Variants in HELLS observed in about 807,000 individuals in gnomAD.
HELLS encodes helicase, lymphoid specific.
In HELLS, 32 loss-of-function variants were observed where a neutral mutation model predicts 120.0. The observed-to-expected ratio is 0.27, with a 90% CI of 0.20 to 0.36. The LOEUF (loss-of-function observed/expected upper bound fraction) is 0.36, where lower values mean the gene tolerates loss of function less well. Ranked by LOEUF, HELLS falls within the 10% of genes least tolerant of loss-of-function variation. The pLI is 1.00. For synonymous variants in HELLS, 341 were observed against 323.4 expected (o/e 1.05, Z -0.58); for missense variants, 650 against 993.4 (o/e 0.65, Z 4.65).
At chr10:94,611,076 A>G (rs182230013) in exon 10 of HELLS, 1 of 152,330 alleles carries the variant, frequency 6.6e-6, no homozygotes, top group African/African-American at 2.4e-5. Flanking sequence ...GACTGGCACA[A>G]CATGTATTTC....
chr10:94,571,264 G>A, intron 6 of HELLS, 124 bp from the exon 7 acceptor site: 1 of 762,346 alleles, frequency 1.3e-6, no homozygotes, highest in Non-Finnish European at 2.1e-6. Context: ...AAGGCTACTA[G>A]TTTTATCTTG....
rs573677202 is a variant in HELLS, at chr10:94,561,439, CTT to C, written c.334-1247_334-1246del. Among the ~76,000 whole-genome samples, 8 of 152,120 alleles carry C rather than the reference CTT, an allele frequency of 5.3e-5. No homozygotes were observed. The East Asian group carries it at 1.4e-3, about 26-fold the overall frequency. On this transcript the variant is annotated intron_variant, in intron 4 of 21. Coordinates refer to ENST00000348459, the MANE Select transcript of HELLS (RefSeq NM_018063.5). ...AGGGTTTTGATTTTTTTCCCCTCTG[CTT>C]TTTTCATAAGGGCGTCAACTATTTT...
At chr10:94,596,615 A>G (rs1845752769) in intron 19 of HELLS, among the ~76,000 whole-genome samples, 1 of 152,086 alleles carries the variant, frequency 6.6e-6, no homozygotes, top group Admixed American at 6.6e-5. Flanking sequence ...GACATAATGC[A>G]TTTTTTGGTC....
rs562609632 is a variant in HELLS, at chr10:94,571,622, G to C, written c.477+193G>C. On this transcript the variant is annotated intron_variant, in intron 7 of 21. Coordinates refer to ENST00000348459, the MANE Select transcript of HELLS (RefSeq NM_018063.5). ...TTTTATGTATCAACTTTAGTTAGTTGTTTTATTGCATGATTCTTGATGTAT... is the reference window on the plus strand; with the variant it reads ...TTTTATGTATCAACTTTAGTTAGTTCTTTTATTGCATGATTCTTGATGTAT... 3.9e-5 allele frequency among the ~76,000 whole-genome samples: 6 copies of C among 152,090 alleles called. No individual in the cohort carries two copies. In the South Asian group the frequency reaches 1.0e-3, roughly 26 times the overall value.
chr10:94,577,096 G>T, intron 10 of HELLS: 1 of 505,852 alleles, frequency 2.0e-6, no homozygotes, highest in Non-Finnish European at 3.7e-6. Flanking sequence ...ATTTGTGACA[G>T]GTACTTTGAA....
chr10:94,590,431 A>T lies in HELLS; in HGVS notation c.1507A>T (p.Ser503Cys). 1.2e-6 allele frequency: 2 copies of T among 1,606,798 alleles called. No individual in the cohort carries two copies. The highest frequency in any genetic ancestry group is 4.5e-5 in the East Asian group (2 of 44,816). ...CTTTTAGAAAGAAACAATTGAGTTA[A>T]GTCCTACTGGTCGACCAAAACGACG... The part of the protein sequence containing the change: ...GSSEKETIEL[S>C]PTGRPKRRTR... Residue 503 changes from serine (S) to cysteine (C), a missense_variant, in exon 14 of 22, where the codon AGT becomes TGT. Coordinates refer to ENST00000348459, the MANE Select transcript of HELLS (RefSeq NM_018063.5).
At chr10:94,560,044 T>A (rs759739211) in intron 4 of HELLS, among the ~76,000 whole-genome samples, 52 of 152,198 alleles carry the variant, frequency 3.4e-4, no homozygotes, top group Admixed American at 1.5e-3. Flanking sequence ...TTATTTATTT[T>A]TTTTTTGAGA....
chr10:94,603,847 T>G (rs1307668157), downstream of HELLS, among the ~76,000 whole-genome samples: 1 of 152,148 alleles, frequency 6.6e-6, no homozygotes, highest in African/African-American at 2.4e-5. Context: ...TTTTCCCCTT[T>G]TTTTGAGTCT....
chr10:94,608,425 A>G (rs538300990), intron 9 of HELLS, among the ~76,000 whole-genome samples: 34 of 152,268 alleles, frequency 2.2e-4, no homozygotes, highest in African/African-American at 7.9e-4. Flanking sequence ...CAGCACCCTA[A>G]AAGAGTAGCA....
intron 3 of HELLS, 88 bp from the exon 4 acceptor site, chr10:94,558,051 T>C (rs1843350217): frequency 6.8e-7 from 1 of 1,464,494 alleles, no homozygotes; most frequent in Non-Finnish European, 9.1e-7. Context: ...TTTCTCATTG[T>C]AAACATAAGT....
chr10:94,549,284 G>C (rs768916514), intron 2 of HELLS, among the ~76,000 whole-genome samples: 1 of 152,156 alleles, frequency 6.6e-6, no homozygotes, highest in Non-Finnish European at 1.5e-5. Flanking sequence ...AATACAGTCT[G>C]TATGGGCATG....
chr10:94,569,906 T>C (rs1384634778), intron 6 of HELLS: 1 of 152,234 alleles, frequency 6.6e-6, no homozygotes, highest in Admixed American at 6.5e-5. Flanking sequence ...TGAGTAATTC[T>C]GTATAATTCC....
At chr10:94,570,141 A>G (rs1409206019) in intron 6 of HELLS, 1 of 151,460 alleles carries the variant, frequency 6.6e-6, no homozygotes, top group Non-Finnish European at 1.5e-5. Flanking sequence ...TGCTGGGCTC[A>G]AGCAATCCTC....
intron 8 of HELLS, among the ~76,000 whole-genome samples, chr10:94,607,678 C>T (rs1846142420): frequency 6.6e-6 from 1 of 151,970 alleles, no homozygotes; most frequent in African/African-American, 2.4e-5. Flanking sequence ...AATGTCTTAG[C>T]AATGGTATAT....
intron 21 of HELLS, among the ~76,000 whole-genome samples, chr10:94,599,214 T>TTAAAAAACAAC (rs1315747668): frequency 2.0e-5 from 3 of 152,218 alleles, no homozygotes; most frequent in Non-Finnish European, 4.4e-5. Context: ...CTAAACTATA[T>TTAAAAAACAAC]TAAAAAACAA....
intron 4 of HELLS, among the ~76,000 whole-genome samples, chr10:94,559,047 T>C (rs528949521): frequency 6.6e-6 from 1 of 152,324 alleles, no homozygotes; most frequent in East Asian, 1.9e-4. Flanking sequence ...TTACATTTAT[T>C]TGTAACCCCA....
chr10:94,554,091 G>A (rs766124607), intron 2 of HELLS, 35 bp from the exon 3 acceptor site: 1 of 1,515,260 alleles, frequency 6.6e-7, no homozygotes, highest in East Asian at 2.6e-5. Context: ...ATGTCAGAAA[G>A]TGTTCATAAT....
At chr10:94,575,891 G>A (rs975182949) in intron 9 of HELLS, among the ~76,000 whole-genome samples, 16 of 151,626 alleles carry the variant, frequency 1.1e-4, no homozygotes, top group Non-Finnish European at 2.1e-4. Context: ...TCCGCCTCCC[G>A]GGTTCAAGCG....
intron 12 of HELLS, chr10:94,584,036 T>C: frequency 9.7e-7 from 1 of 1,034,228 alleles, no homozygotes. Flanking sequence ...TGAGGGCTTC[T>C]TTGAAGGCAA....
Sources: gnomAD v4.1 joint callset for allele counts (sites outside exome capture counted in the v4.1 genomes callset) on GRCh38, gnomAD v4.1.1 for gene constraint, MANE v1.5 for transcripts, NCBI Gene and HGNC (gene_info 2026-07-23, HGNC 2026-07-21) for gene names.